The following JAM2 variants were observed in gnomAD, a reference collection of about 807,000 sequenced individuals.
The protein encoded by JAM2 is junctional adhesion molecule B.
A neutral mutation model predicts 42.0 loss-of-function variants in JAM2; 17 were observed. The ratio of observed to expected loss-of-function variants is 0.40; its 90% CI spans 0.28 to 0.61. The LOEUF is 0.61. Among genes scored for constraint, JAM2 ranks in the 20% least tolerant of loss-of-function variants. JAM2 has a pLI of 0.37. For synonymous variants in JAM2, 118 were observed against 128.6 expected (o/e 0.92, Z 0.56); for missense variants, 319 against 358.3 (o/e 0.89, Z 0.89).
intron 2 of JAM2, among the ~76,000 whole-genome samples, chr21:25,687,359 A>G (rs766091022): frequency 6.6e-6 from 1 of 152,234 alleles, no homozygotes; most frequent in African/African-American, 2.4e-5. Flanking sequence ...AATTCTCCCA[A>G]TATCACATAC....
At chr21:25,660,759 CAT>C (rs1311949044) in intron 1 of JAM2, among the ~76,000 whole-genome samples, 955 of 53,434 alleles carry the variant, frequency 0.018, 34 homozygotes, top group East Asian at 0.055. Flanking sequence ...TCACAATAAC[CAT>C]ATATATATAT....
At position 25,693,904 on chromosome 21, in the gene JAM2, A is replaced by T; in HGVS notation, c.390A>T (p.Val130=). 6.2e-7 allele frequency: 1 copy of T among 1,614,094 alleles called. No individual in the cohort carries two copies. Among genetic ancestry groups the T allele is most frequent in the Non-Finnish European group, 8.5e-7 (1 of 1,179,990 alleles). The change falls in exon 4 of 10, where the codon GTA becomes GTT. Residue 130 remains valine, a synonymous_variant. Coordinates refer to ENST00000480456, the MANE Select transcript of JAM2 (RefSeq NM_021219.4). ...NLEEDTVTLE[V]LVAPAVPSCE... Reference sequence around the variant, plus strand: ...AAGAGGATACAGTCACTCTGGAAGTATTAGGTGATGTGCATGTATGTGTGT... The same window carrying T: ...AAGAGGATACAGTCACTCTGGAAGTTTTAGGTGATGTGCATGTATGTGTGT...
At chr21:25,674,597 A>C (rs544077936) in intron 1 of JAM2, among the ~76,000 whole-genome samples, 5 of 152,180 alleles carry the variant, frequency 3.3e-5, no homozygotes, top group African/African-American at 1.2e-4. Context: ...TGACCAGGAC[A>C]TCAGCCACCA....
At chr21:25,663,133 G>A (rs539584481) in intron 1 of JAM2, among the ~76,000 whole-genome samples, 188 of 152,292 alleles carry the variant, frequency 1.2e-3, no homozygotes, top group African/African-American at 4.4e-3. Context: ...CTTGGAGAAT[G>A]CAGAGAGCCA....
chr21:25,639,597 C>A lies in JAM2; in HGVS notation c.-225C>A. ...CTACCCCCACACCCCCAAAACAGAACAGACCCCCATCCCTGGGCTGGAGGA... is the reference window on the plus strand; with the variant it reads ...CTACCCCCACACCCCCAAAACAGAAAAGACCCCCATCCCTGGGCTGGAGGA... On this transcript the variant is annotated 5_prime_UTR_variant, in exon 1 of 10. Coordinates refer to ENST00000480456, the MANE Select transcript of JAM2 (RefSeq NM_021219.4). 2.0e-6 allele frequency: 1 copy of A among 501,908 alleles called. No individual in the cohort carries two copies. The highest frequency in any genetic ancestry group is 3.5e-6 in the Non-Finnish European group (1 of 282,542). 31.1% of individuals were successfully genotyped at this position (501,908 alleles called of 1,614,324 possible). A position where few individuals can be genotyped will look rare whatever the true frequency, so the allele number is the denominator to read the frequency against.
At chr21:25,709,789 G>A (rs1322658956) in intron 8 of JAM2, 2 of 202,312 alleles carry the variant, frequency 9.9e-6, no homozygotes, top group Non-Finnish European at 2.0e-5. Context: ...CACGTCACAT[G>A]GCAAAAGCAG....
chr21:25,652,222 C>T (rs911871406), intron 1 of JAM2, among the ~76,000 whole-genome samples: 1 of 151,808 alleles, frequency 6.6e-6, no homozygotes, highest in Admixed American at 6.6e-5. Flanking sequence ...CACGCCTCTA[C>T]AAAAAAGAAA....
chr21:25,653,011 G>A (rs2032824456), intron 1 of JAM2, among the ~76,000 whole-genome samples: 1 of 152,126 alleles, frequency 6.6e-6, no homozygotes, highest in South Asian at 2.1e-4. Context: ...GACCCTGTTT[G>A]GAACAGACTG....
chr21:25,711,412 G>A lies in JAM2; in HGVS notation c.822-928G>A, dbSNP rs763264380. On this transcript the variant is annotated intron_variant, in intron 8 of 9. Coordinates refer to ENST00000480456, the MANE Select transcript of JAM2 (RefSeq NM_021219.4). ...GCTCTATGGGCGTAGAGAGAAGATG[G>A]ATGACAAACTATCTGAGGCTATGGC... The A allele has an allele frequency of 4.2e-5, 19 of 456,178 alleles. No homozygotes were observed. In the Middle Eastern group the frequency reaches 9.8e-4, roughly 23 times the overall value. 28.3% of individuals were successfully genotyped at this position (456,178 alleles called of 1,614,324 possible).
intron 1 of JAM2, among the ~76,000 whole-genome samples, chr21:25,653,761 G>A (rs2032847190): frequency 6.6e-6 from 1 of 152,126 alleles, no homozygotes. Context: ...GATTTGGGTA[G>A]GGACACAAAG....
intron 1 of JAM2, among the ~76,000 whole-genome samples, chr21:25,679,705 C>T (rs1389037213): frequency 6.6e-6 from 1 of 152,254 alleles, no homozygotes; most frequent in Non-Finnish European, 1.5e-5. Flanking sequence ...TTAGCTTCCA[C>T]CTTCCTTTTG....
At chr21:25,700,562 T>C (rs901191192) in intron 5 of JAM2, among the ~76,000 whole-genome samples, 6 of 152,294 alleles carry the variant, frequency 3.9e-5, no homozygotes, top group African/African-American at 1.2e-4. Flanking sequence ...GGTTTCTCCA[T>C]GTTGGCCAGG....
chr21:25,645,044 C>T (rs78504284), intron 1 of JAM2, among the ~76,000 whole-genome samples: 2,349 of 152,268 alleles, frequency 0.015, 50 homozygotes, highest in African/African-American at 0.053. Flanking sequence ...CCACGCCCAC[C>T]TAACTTTTGT....
chr21:25,683,814 A>G, intron 1 of JAM2, 69 bp from the exon 2 acceptor site: 1 of 1,102,846 alleles, frequency 9.1e-7, no homozygotes, highest in Non-Finnish European at 1.4e-6. Context: ...TGACTATTGC[A>G]TCCCATTCAG....
At chr21:25,655,722 T>A (rs944768311) in intron 1 of JAM2, among the ~76,000 whole-genome samples, 2 of 148,110 alleles carry the variant, frequency 1.4e-5, no homozygotes, top group African/African-American at 2.5e-5. Context: ...TCTCGAACTC[T>A]TGACCTCAGG....
chr21:25,706,623 A>AT (rs1157182446), intron 7 of JAM2, among the ~76,000 whole-genome samples: 1 of 152,266 alleles, frequency 6.6e-6, no homozygotes, highest in African/African-American at 2.4e-5. Flanking sequence ...CTAGTTGCAC[A>AT]TTCCAGGGAG....
chr21:25,692,081 C>T (rs1031537935), intron 3 of JAM2: 7 of 152,962 alleles, frequency 4.6e-5, no homozygotes, highest in Non-Finnish European at 1.0e-4. Flanking sequence ...CTGCTCCTCA[C>T]AGGGCCCATG....
chr21:25,644,535 C>T (rs1401237629), intron 1 of JAM2, among the ~76,000 whole-genome samples: 11 of 152,352 alleles, frequency 7.2e-5, no homozygotes, highest in African/African-American at 1.4e-4. Context: ...CCTTCTTCCA[C>T]TCATCAGGAC....
At chr21:25,665,922 T>G (rs1291036512) in intron 1 of JAM2, among the ~76,000 whole-genome samples, 1 of 151,926 alleles carries the variant, frequency 6.6e-6, no homozygotes, top group East Asian at 1.9e-4. Context: ...TGCCTGTGGT[T>G]CCAGCTACTC....
Sources: allele counts gnomAD v4.1 joint callset (sites outside exome capture counted in the v4.1 genomes callset), GRCh38; gene constraint gnomAD v4.1.1; transcripts MANE v1.5; gene names NCBI Gene and HGNC (gene_info 2026-07-23, HGNC 2026-07-21).